The following NR6A1 variants were observed in gnomAD, a reference collection of about 807,000 sequenced individuals.
NR6A1 encodes the protein nuclear receptor subfamily 6 group A member 1.
Under a neutral mutation model 59.1 loss-of-function variants are expected in NR6A1, and 7 were observed. That is an observed-to-expected ratio of 0.12 (90% CI 0.07 to 0.22). NR6A1 has a LOEUF of 0.22. Among genes scored for constraint, NR6A1 ranks in the 10% least tolerant of loss-of-function variants. NR6A1 has a pLI of 1.00. For synonymous variants in NR6A1, 243 were observed against 236.1 expected (o/e 1.03, Z -0.27); for missense variants, 468 against 611.6 (o/e 0.77, Z 2.48).
At chr9:124,760,844 G>T (rs1237847890) in intron 1 of NR6A1, among the ~76,000 whole-genome samples, 1 of 152,250 alleles carries the variant, frequency 6.6e-6, no homozygotes, top group East Asian at 1.9e-4. Flanking sequence ...CCACACTCCA[G>T]AGTCCCTGCT....
intron 1 of NR6A1, among the ~76,000 whole-genome samples, chr9:124,756,675 T>A (rs1018445389): frequency 3.3e-5 from 5 of 152,216 alleles, no homozygotes; most frequent in African/African-American, 1.2e-4. Flanking sequence ...CCATGCAGAT[T>A]TCTAAAGGAA....
At chr9:124,631,872 T>C (rs1455626057) in intron 2 of NR6A1, among the ~76,000 whole-genome samples, 1 of 152,190 alleles carries the variant, frequency 6.6e-6, no homozygotes, top group African/African-American at 2.4e-5. Context: ...TATGTGGCCG[T>C]GTGTTCTCAT....
chr9:124,624,918 T>G (rs550251041), intron 2 of NR6A1, among the ~76,000 whole-genome samples: 2 of 151,488 alleles, frequency 1.3e-5, no homozygotes, highest in East Asian at 1.9e-4. Context: ...GCTTGTTTTT[T>G]TTTTTTTTTT....
chr9:124,757,461 C>CATAAA (rs1840665944), intron 1 of NR6A1, among the ~76,000 whole-genome samples: 1 of 110,446 alleles, frequency 9.1e-6, no homozygotes, highest in Non-Finnish European at 1.9e-5. Flanking sequence ...TAAAAAAATG[C>CATAAA]AAAAAAAAAA....
At chr9:124,593,171 A>G (rs1396000658) in intron 2 of NR6A1, among the ~76,000 whole-genome samples, 1 of 152,228 alleles carries the variant, frequency 6.6e-6, no homozygotes, top group East Asian at 1.9e-4. Flanking sequence ...GCATTTAAAA[A>G]TCAAATCTAC....
intron 1 of NR6A1, among the ~76,000 whole-genome samples, chr9:124,740,686 A>G (rs908313740): frequency 6.6e-6 from 1 of 152,180 alleles, no homozygotes; most frequent in Non-Finnish European, 1.5e-5. Context: ...AAAAAGTTAA[A>G]AATCTTTACC....
chr9:124,680,307 A>G (rs527648939), intron 2 of NR6A1, among the ~76,000 whole-genome samples: 3 of 152,308 alleles, frequency 2.0e-5, no homozygotes, highest in South Asian at 2.1e-4. Flanking sequence ...AGCAAATGCC[A>G]TGTGATTTAC....
At chr9:124,654,363 A>G (rs1038591325) in intron 2 of NR6A1, among the ~76,000 whole-genome samples, 1 of 152,196 alleles carries the variant, frequency 6.6e-6, no homozygotes, top group Non-Finnish European at 1.5e-5. Context: ...GGGAAAAAAT[A>G]CACTTGGAAA....
chr9:124,616,981 T>C (rs1401919535), intron 2 of NR6A1, among the ~76,000 whole-genome samples: 3 of 152,198 alleles, frequency 2.0e-5, no homozygotes, highest in Non-Finnish European at 4.4e-5. Flanking sequence ...CTCTCCATCT[T>C]AGAGAAATAC....
intron 2 of NR6A1, among the ~76,000 whole-genome samples, chr9:124,600,969 TAC>T (rs1051742945): frequency 6.9e-6 from 1 of 144,980 alleles, no homozygotes; most frequent in African/African-American, 2.6e-5. Flanking sequence ...AAAAAAAGAC[TAC>T]AGAGTGTGCT....
rs767045762 is a variant in NR6A1, at chr9:124,538,191, T to A, written c.725A>T (p.Gln242Leu). The A allele has an allele frequency of 6.8e-6, 11 of 1,614,156 alleles. No homozygotes were observed. In the South Asian group the frequency reaches 1.2e-4, roughly 18 times the overall value. Residue 242 changes from glutamine (Q) to leucine (L), a missense_variant, in exon 6 of 10, where the codon CAA becomes CTA. Physicochemically the swap from Gln to Leu is moderately radical, Grantham distance 113. Coordinates refer to ENST00000487099, the MANE Select transcript of NR6A1 (RefSeq NM_033334.4). Reference sequence around the variant, plus strand: ...TGACTGGGGATCCAGGCTGCGAGCTTGTTGGGGCAGAAGTGGTGAGTGGCC... The same window carrying A: ...TGACTGGGGATCCAGGCTGCGAGCTAGTTGGGGCAGAAGTGGTGAGTGGCC... ...YSGHSPLLPQ[Q>L]ARSLDPQSYS...
At chr9:124,640,343 T>C (rs1164976567) in intron 2 of NR6A1, among the ~76,000 whole-genome samples, 1 of 152,208 alleles carries the variant, frequency 6.6e-6, no homozygotes, top group Non-Finnish European at 1.5e-5. Context: ...AAGGGATGTT[T>C]GTATATGGTA....
intron 2 of NR6A1, among the ~76,000 whole-genome samples, chr9:124,581,974 G>A (rs1007171990): frequency 1.3e-5 from 2 of 152,200 alleles, no homozygotes; most frequent in South Asian, 2.1e-4. Context: ...TACTTTTGGT[G>A]AGAGTGAATA....
At chr9:124,581,482 C>T (rs1384675852) in intron 2 of NR6A1, among the ~76,000 whole-genome samples, 8 of 152,136 alleles carry the variant, frequency 5.3e-5, no homozygotes, top group Admixed American at 5.2e-4. Context: ...GTCCCAGCTA[C>T]TCGGGAGGCT....
chr9:124,628,230 G>A (rs1006216021), intron 2 of NR6A1, among the ~76,000 whole-genome samples: 35 of 152,066 alleles, frequency 2.3e-4, no homozygotes, highest in African/African-American at 7.5e-4. Flanking sequence ...GTTTAACCAC[G>A]TTGGCCAGAA....
intron 2 of NR6A1, among the ~76,000 whole-genome samples, chr9:124,587,635 C>A (rs113236395): frequency 1.8e-4 from 27 of 152,202 alleles, no homozygotes; most frequent in Non-Finnish European, 2.9e-4. Context: ...CAAACACAGA[C>A]GTGTGCATTA....
chr9:124,680,835 T>C (rs1311567432), intron 2 of NR6A1, among the ~76,000 whole-genome samples: 1 of 152,174 alleles, frequency 6.6e-6, no homozygotes, highest in Non-Finnish European at 1.5e-5. Context: ...CTCTAAGACA[T>C]TATTTGCCTT....
chr9:124,568,645 A>G (rs1188886196), intron 2 of NR6A1, among the ~76,000 whole-genome samples: 1 of 151,938 alleles, frequency 6.6e-6, no homozygotes, highest in African/African-American at 2.4e-5. Context: ...TAAGAAAAAA[A>G]TTAAGTGACT....
At chr9:124,724,488 T>C (rs1839655671) in intron 2 of NR6A1, among the ~76,000 whole-genome samples, 2 of 151,488 alleles carry the variant, frequency 1.3e-5, no homozygotes, top group African/African-American at 4.8e-5. Flanking sequence ...AGCAGGTACT[T>C]TCCTTGGGAT....
Sources: allele counts gnomAD v4.1 joint callset (sites outside exome capture counted in the v4.1 genomes callset), GRCh38; gene constraint gnomAD v4.1.1; transcripts MANE v1.5; gene names NCBI Gene and HGNC (gene_info 2026-07-23, HGNC 2026-07-21).